The following EDDM13 variants were observed in gnomAD, a reference collection of about 807,000 sequenced individuals.
EDDM13 encodes the protein epididymal protein 13.
Under a neutral mutation model 17.8 loss-of-function variants are expected in EDDM13, and 24 were observed. The ratio of observed to expected loss-of-function variants is 1.35; its 90% CI spans 0.98 to 1.90. EDDM13 has a LOEUF of 1.90. Among genes scored for constraint, EDDM13 ranks in the 40% most tolerant of loss-of-function variants. The pLI is 0.00. For missense variants in EDDM13, 97 were observed against 100.8 expected (o/e 0.96, Z 0.16); for synonymous variants, 31 against 37.5 (o/e 0.83, Z 0.63).
chr19:56,293,709 C>T (rs999487305), intron 9 of EDDM13, among the ~76,000 whole-genome samples: 14 of 152,144 alleles, frequency 9.2e-5, no homozygotes. Context: ...AGATTTCGCC[C>T]CTCAGGGGAC....
At chr19:56,277,370 C>T (rs1190193869) in intron 2 of EDDM13, among the ~76,000 whole-genome samples, 1 of 152,178 alleles carries the variant, frequency 6.6e-6, no homozygotes, top group East Asian at 1.9e-4. Context: ...AAACAAAGTT[C>T]TGATGCATTC....
At chr19:56,295,776 G>C (rs1475827104) in intron 9 of EDDM13, 183 bp from the exon 10 acceptor site, 1 of 152,508 alleles carries the variant, frequency 6.6e-6, no homozygotes, top group African/African-American at 2.4e-5. Context: ...TGACTACTCA[G>C]CACGACCCAC....
intron 7 of EDDM13, among the ~76,000 whole-genome samples, 94 bp downstream of exon 7, chr19:56,288,532 G>C (rs1042613720): frequency 6.6e-6 from 1 of 152,128 alleles, no homozygotes; most frequent in Non-Finnish European, 1.5e-5. Context: ...TGATGCTTTT[G>C]CTGTCTGCTT....
chr19:56,290,804 C>T (rs2039460790), intron 8 of EDDM13, among the ~76,000 whole-genome samples, 37 bp from the exon 9 acceptor site: 1 of 152,246 alleles, frequency 6.6e-6, no homozygotes, highest in Admixed American at 6.5e-5. Flanking sequence ...CTTCTCCACA[C>T]TGACTCCCCG....
chr19:56,273,253 C>T (rs1168833208), intron 1 of EDDM13, among the ~76,000 whole-genome samples: 12 of 152,284 alleles, frequency 7.9e-5, no homozygotes, highest in Non-Finnish European at 1.6e-4. Context: ...ATGTCATTGA[C>T]GAGCTTACGT....
In EDDM13 at chr19:56,278,517, G is replaced by A. The variant is rs190397367; in HGVS notation, c.103+2408G>A. Among the ~76,000 whole-genome samples the A allele has an allele frequency of 4.3e-3, 658 of 152,284 alleles. 2 individuals are homozygous for A. Among genetic ancestry groups the A allele is most frequent in the Non-Finnish European group, 6.0e-3 (406 of 68,012 alleles). ...GGAAAAGGGAAGATCATGCAGACCC[G>A]TTTTAGGCAGAGTTCTCCAGAGAGA... On this transcript the variant is annotated intron_variant, in intron 2 of 14. Transcript: ENST00000649256.
chr19:56,298,561 G>A (rs1348061443), intron 12 of EDDM13, among the ~76,000 whole-genome samples: 1 of 151,804 alleles, frequency 6.6e-6, no homozygotes, highest in Non-Finnish European at 1.5e-5. Flanking sequence ...GCTGAGGCAG[G>A]AGAATCACTT....
At chr19:56,278,185 G>C (rs1031648397) in intron 2 of EDDM13, among the ~76,000 whole-genome samples, 1 of 151,716 alleles carries the variant, frequency 6.6e-6, no homozygotes, top group Non-Finnish European at 1.5e-5. Flanking sequence ...ACAGTGGCAC[G>C]GTCTCGGCTC....
chr19:56,292,464 T>A (rs2039579905), intron 9 of EDDM13, among the ~76,000 whole-genome samples: 1 of 151,734 alleles, frequency 6.6e-6, no homozygotes, highest in African/African-American at 2.4e-5. Context: ...TTTACTTTTT[T>A]TTTTTTTACT....
At chr19:56,300,216 C>G (rs530614573) in intron 12 of EDDM13, among the ~76,000 whole-genome samples, 1 of 152,138 alleles carries the variant, frequency 6.6e-6, no homozygotes, top group Middle Eastern at 3.4e-3. Context: ...TGCGAAGAGA[C>G]TGCAAAGACA....
At chr19:56,277,562 T>G (rs948594581) in intron 2 of EDDM13, among the ~76,000 whole-genome samples, 3 of 152,044 alleles carry the variant, frequency 2.0e-5, no homozygotes, top group African/African-American at 4.8e-5. Context: ...AGACAATGAC[T>G]AAGGGGTTCA....
chr19:56,294,233 T>A (rs2039710846), intron 9 of EDDM13, among the ~76,000 whole-genome samples: 1 of 152,080 alleles, frequency 6.6e-6, no homozygotes, highest in South Asian at 2.1e-4. Context: ...GCCCACCAGG[T>A]GCCAAGCTCT....
At chr19:56,294,260 G>A (rs557592132) in intron 9 of EDDM13, among the ~76,000 whole-genome samples, 11 of 152,292 alleles carry the variant, frequency 7.2e-5, no homozygotes, top group East Asian at 3.9e-4. Context: ...GGCGATTCAC[G>A]TGGGCTCTTT....
intron 13 of EDDM13, among the ~76,000 whole-genome samples, chr19:56,303,649 AGAG>A (rs1019502886): frequency 1.3e-5 from 2 of 152,138 alleles, no homozygotes; most frequent in South Asian, 2.1e-4. Context: ...CTGGGGACTC[AGAG>A]AAGAACGGAA....
chr19:56,287,659 G>A (rs960803686), intron 6 of EDDM13, among the ~76,000 whole-genome samples: 2 of 152,124 alleles, frequency 1.3e-5, no homozygotes, highest in East Asian at 3.9e-4. Flanking sequence ...GTATAATAAC[G>A]GCAGGGGGTT....
chr19:56,278,059 C>T (rs1320575608), intron 2 of EDDM13, among the ~76,000 whole-genome samples: 3 of 151,378 alleles, frequency 2.0e-5, no homozygotes, highest in Admixed American at 1.3e-4. Flanking sequence ...TAATAGAAAA[C>T]AGCTGAATTC....
intron 1 of EDDM13, chr19:56,274,459 GAAA>G (rs1403156122): frequency 1.4e-5 from 1 of 72,362 alleles, no homozygotes; most frequent in East Asian, 3.1e-4. Flanking sequence ...GTTTCAAAAA[GAAA>G]AAAAGAAAAA....
chr19:56,304,772 A>G (rs1298402763), intron 13 of EDDM13, 21 bp from the exon 14 acceptor site: 13 of 985,046 alleles, frequency 1.3e-5, no homozygotes, highest in Non-Finnish European at 1.6e-5. Flanking sequence ...CTCTGTTCCC[A>G]GTTCACTTTT....
chr19:56,297,531 G>C lies in EDDM13; in HGVS notation c.295G>C (p.Val99Leu). ...AGAAACAAGTGGCTGCAAGGAGGAA[G>C]GTAAGTGCTTGGGGTCGTACCATTC... ...HEETSGCKEE[V>L]KPFSGTTPSR... is the part of the protein sequence containing the mutation. The change falls in exon 12 of 15, where the codon GTT (valine) becomes CTT (leucine). Residue 99 changes from valine to leucine, a missense_variant and splice_region_variant. Coordinates refer to ENST00000649256, the MANE Select transcript of EDDM13 (RefSeq NM_001354658.2). 2.0e-6 allele frequency: 2 copies of C among 984,996 alleles called. No homozygotes were observed. The highest frequency in any genetic ancestry group is 2.4e-6 in the Non-Finnish European group (2 of 829,786). The allele number at this position is 984,996 out of a possible 1,614,324, so 61.0% of individuals were successfully genotyped here.
Sources: gnomAD v4.1 joint callset for allele counts (sites outside exome capture counted in the v4.1 genomes callset) on GRCh38, gnomAD v4.1.1 for gene constraint, MANE v1.5 for transcripts, NCBI Gene and HGNC (gene_info 2026-07-23, HGNC 2026-07-21) for gene names.